Variants in CDH13 observed in about 807,000 individuals in gnomAD.
The protein encoded by CDH13 is cadherin 13.
CDH13 carries 24 observed loss-of-function variants against 63.8 expected under a neutral mutation model. The observed-to-expected ratio is 0.38, with a 90% confidence interval of 0.27 to 0.53. The LOEUF is 0.53. Ranked by LOEUF, CDH13 falls within the 20% of genes least tolerant of loss-of-function variation. The probability of loss-of-function intolerance (pLI) is 0.85; values close to 1 mark genes in which losing one functional copy is unlikely to be tolerated. For missense variants in CDH13, 1,049 were observed against 903.1 expected (o/e 1.16, Z -2.07); for synonymous variants, 503 against 355.3 (o/e 1.42, Z -4.67).
intron 1 of CDH13, among the ~76,000 whole-genome samples, chr16:82,697,072 G>C (rs1335864960): frequency 6.6e-6 from 1 of 152,118 alleles, no homozygotes; most frequent in Non-Finnish European, 1.5e-5. Flanking sequence ...TCCCAATTTT[G>C]GATGTCATAT....
intron 1 of CDH13, among the ~76,000 whole-genome samples, chr16:82,661,082 G>C (rs1274279260): frequency 6.6e-6 from 1 of 152,204 alleles, no homozygotes; most frequent in Non-Finnish European, 1.5e-5. Flanking sequence ...GAGAGTGATG[G>C]TGGCCCAGGG....
intron 4 of CDH13, among the ~76,000 whole-genome samples, chr16:83,141,269 A>C (rs66604879): frequency 5.3e-5 from 8 of 151,594 alleles, no homozygotes; most frequent in Non-Finnish European, 1.0e-4. Flanking sequence ...ATAAATCTCT[A>C]CTCCCTCACT....
intron 2 of CDH13, among the ~76,000 whole-genome samples, chr16:82,970,673 T>C (rs1908605902): frequency 6.6e-6 from 1 of 152,080 alleles, no homozygotes; most frequent in African/African-American, 2.4e-5. Flanking sequence ...TGCCAGTGCA[T>C]ATTCTTAAGG....
chr16:83,471,008 G>C (rs1477916308), intron 6 of CDH13, among the ~76,000 whole-genome samples: 1 of 151,948 alleles, frequency 6.6e-6, no homozygotes, highest in African/African-American at 2.4e-5. Flanking sequence ...GCCTTCCTTG[G>C]TCTTCAAAGC....
intron 2 of CDH13, among the ~76,000 whole-genome samples, chr16:83,026,608 A>C (rs576737433): frequency 2.6e-5 from 4 of 152,204 alleles, no homozygotes; most frequent in Non-Finnish European, 5.9e-5. Context: ...CAATTAGAAA[A>C]AAATACTTAA....
chr16:83,346,103 C>T (rs1038243620), intron 6 of CDH13, among the ~76,000 whole-genome samples: 2 of 152,186 alleles, frequency 1.3e-5, no homozygotes, highest in East Asian at 1.9e-4. Flanking sequence ...AGGGCAAGAG[C>T]GACCCTCTTC....
chr16:83,673,119 A>G (rs1364852140), intron 9 of CDH13, among the ~76,000 whole-genome samples: 1 of 152,192 alleles, frequency 6.6e-6, no homozygotes, highest in African/African-American at 2.4e-5. Flanking sequence ...TACATTACAA[A>G]CCTAGTCTAC....
At chr16:82,959,378 T>C (rs1370705360) in intron 2 of CDH13, among the ~76,000 whole-genome samples, 1 of 152,206 alleles carries the variant, frequency 6.6e-6, no homozygotes, top group Admixed American at 6.5e-5. Context: ...GTTTTCTATT[T>C]CTTCTGTAAA....
chr16:82,926,199 T>C (rs1159093161), intron 2 of CDH13, among the ~76,000 whole-genome samples: 1 of 151,936 alleles, frequency 6.6e-6, no homozygotes, highest in Admixed American at 6.6e-5. Context: ...TTGCAACTAT[T>C]ACTTCTTGCC....
intron 1 of CDH13, among the ~76,000 whole-genome samples, chr16:82,848,121 G>A (rs781081278): frequency 6.6e-6 from 1 of 152,190 alleles, no homozygotes; most frequent in Admixed American, 6.5e-5. Flanking sequence ...GTTATGTATT[G>A]CTCTTTGAGA....
At chr16:83,130,442 C>T (rs539254112) in intron 4 of CDH13, among the ~76,000 whole-genome samples, 1 of 152,184 alleles carries the variant, frequency 6.6e-6, no homozygotes, top group Admixed American at 6.6e-5. Flanking sequence ...TCTTCACTGA[C>T]AATTTCTCTT....
chr16:83,568,606 G>T (rs1345906187), intron 7 of CDH13, among the ~76,000 whole-genome samples: 5 of 152,156 alleles, frequency 3.3e-5, no homozygotes, highest in Non-Finnish European at 7.3e-5. Flanking sequence ...GGGGCAGGGG[G>T]TTGGGCTCAA....
chr16:83,394,503 A>C (rs2091848248), intron 6 of CDH13, among the ~76,000 whole-genome samples: 1 of 152,140 alleles, frequency 6.6e-6, no homozygotes, highest in Admixed American at 6.5e-5. Context: ...GGATGGATGA[A>C]ATAAAGTGAG....
chr16:83,506,429 C>G (rs1268973570), intron 7 of CDH13, among the ~76,000 whole-genome samples: 1 of 152,204 alleles, frequency 6.6e-6, no homozygotes, highest in Admixed American at 6.5e-5. Context: ...TTTATGTAAC[C>G]TCCTTGATCC....
At chr16:83,311,668 T>A (rs1240683808) in intron 5 of CDH13, among the ~76,000 whole-genome samples, 1 of 152,200 alleles carries the variant, frequency 6.6e-6, no homozygotes, top group Non-Finnish European at 1.5e-5. Context: ...GCATAGGAGG[T>A]TGAACCCAAT....
intron 7 of CDH13, among the ~76,000 whole-genome samples, chr16:83,493,778 C>T (rs1192691269): frequency 6.6e-6 from 1 of 152,176 alleles, no homozygotes; most frequent in Non-Finnish European, 1.5e-5. Flanking sequence ...CAGCTCTGTT[C>T]AACACAGCAT....
At chr16:82,658,545 C>T (rs1044816925) in intron 1 of CDH13, among the ~76,000 whole-genome samples, 2 of 152,190 alleles carry the variant, frequency 1.3e-5, no homozygotes, top group Non-Finnish European at 2.9e-5. Context: ...ATAAATTGCA[C>T]CTCCGTTGCT....
chr16:83,217,274 G>A (rs1012978670), intron 4 of CDH13, 71 bp from the exon 5 acceptor site: 35 of 1,495,470 alleles, frequency 2.3e-5, no homozygotes, highest in Admixed American at 1.0e-4. Context: ...TTGCTCATGG[G>A]AGTATGTTTG....
intron 10 of CDH13, among the ~76,000 whole-genome samples, chr16:83,704,135 T>C (rs1906656662): frequency 6.6e-6 from 1 of 152,216 alleles, no homozygotes; most frequent in South Asian, 2.1e-4. Context: ...GAAAAGTGGT[T>C]TCCCTTTTCA....
Sources: gnomAD v4.1 joint callset for allele counts (sites outside exome capture counted in the v4.1 genomes callset) on GRCh38, gnomAD v4.1.1 for gene constraint, MANE v1.5 for transcripts, NCBI Gene and HGNC (gene_info 2026-07-23, HGNC 2026-07-21) for gene names.